The following SPAG9 variants were observed in gnomAD, a reference collection of about 807,000 sequenced individuals.
SPAG9 encodes the protein sperm associated antigen 9.
SPAG9 carries 35 observed loss-of-function variants against 166.5 expected under a neutral mutation model. That is an observed-to-expected ratio of 0.21 (90% CI 0.16 to 0.28). The LOEUF (loss-of-function observed/expected upper bound fraction) is 0.28, where lower values mean the gene tolerates loss of function less well. Ranked by LOEUF, SPAG9 falls within the 10% of genes least tolerant of loss-of-function variation. The pLI is 1.00. For synonymous variants in SPAG9, 534 were observed against 565.5 expected (o/e 0.94, Z 0.79); for missense variants, 1,235 against 1,603.3 (o/e 0.77, Z 3.92).
chr17:51,112,696 A>C (rs1180175487), intron 1 of SPAG9, among the ~76,000 whole-genome samples: 6 of 150,222 alleles, frequency 4.0e-5, no homozygotes, highest in African/African-American at 1.2e-4. Context: ...AAAAAAAAAA[A>C]AAACTTTGGC....
At chr17:51,089,641 TATATATATATATATATATATATAC>T (rs1222740584) in intron 1 of SPAG9, among the ~76,000 whole-genome samples, 22 of 84,706 alleles carry the variant, frequency 2.6e-4, no homozygotes, top group Admixed American at 1.2e-3. Context: ...TATATATATA[TATATATATATATATATATATATAC>T]ACATACACAC....
chr17:50,975,668 T>C (rs531450813), intron 27 of SPAG9, among the ~76,000 whole-genome samples: 4 of 150,042 alleles, frequency 2.7e-5, no homozygotes, highest in African/African-American at 7.4e-5. Context: ...AGATGATAAA[T>C]AGACTAAGCT....
At chr17:51,075,923 G>C (rs2047956850) in intron 2 of SPAG9, among the ~76,000 whole-genome samples, 1 of 151,724 alleles carries the variant, frequency 6.6e-6, no homozygotes, top group Non-Finnish European at 1.5e-5. Context: ...GTGAAGCCCT[G>C]TCTCTACTAA....
At chr17:51,049,308 T>A (rs7215739) in intron 3 of SPAG9, among the ~76,000 whole-genome samples, 82,087 of 151,356 alleles carry the variant, frequency 0.54, 22,490 homozygotes, top group Admixed American at 0.57. Context: ...TCAAGGCTGC[T>A]GTGAGCTATG....
intron 1 of SPAG9, among the ~76,000 whole-genome samples, chr17:51,107,213 A>G (rs1487818357): frequency 6.6e-6 from 1 of 152,038 alleles, no homozygotes; most frequent in Non-Finnish European, 1.5e-5. Flanking sequence ...GGGATAAGGT[A>G]GAACTAGAGA....
At chr17:50,967,022 T>TA (rs1407986003) in intron 29 of SPAG9, among the ~76,000 whole-genome samples, 4 of 152,160 alleles carry the variant, frequency 2.6e-5, no homozygotes, top group African/African-American at 9.7e-5. Context: ...GAGGTTGGGG[T>TA]AGCAGCCAAG....
At chr17:51,039,036 T>C (rs1005247843) in intron 5 of SPAG9, among the ~76,000 whole-genome samples, 1 of 152,188 alleles carries the variant, frequency 6.6e-6, no homozygotes, top group African/African-American at 2.4e-5. Context: ...AACTTTACAA[T>C]CACTGGCAAA....
At chr17:51,092,046 A>G (rs1265474158) in intron 1 of SPAG9, among the ~76,000 whole-genome samples, 4 of 152,022 alleles carry the variant, frequency 2.6e-5, no homozygotes, top group Non-Finnish European at 4.4e-5. Flanking sequence ...GATGCAGAAG[A>G]AAAAAGAAAG....
At chr17:51,102,438 T>C (rs902974681) in intron 1 of SPAG9, among the ~76,000 whole-genome samples, 1 of 149,106 alleles carries the variant, frequency 6.7e-6, no homozygotes, top group Non-Finnish European at 1.5e-5. Context: ...AAAATAGAAA[T>C]GTCTAACATA....
At chr17:51,037,244 G>C (rs1044346510) in intron 5 of SPAG9, among the ~76,000 whole-genome samples, 5 of 152,014 alleles carry the variant, frequency 3.3e-5, no homozygotes, top group South Asian at 2.1e-4. Context: ...GCAGTGACTA[G>C]AGGCGCACAC....
chr17:51,003,117 T>C (rs2045035820), intron 12 of SPAG9, among the ~76,000 whole-genome samples: 1 of 151,864 alleles, frequency 6.6e-6, no homozygotes, highest in African/African-American at 2.4e-5. Context: ...CATGCACCTG[T>C]AGTTCCAGCT....
intron 1 of SPAG9, among the ~76,000 whole-genome samples, chr17:51,112,677 A>C (rs1038734923): frequency 1.5e-5 from 2 of 134,950 alleles, no homozygotes; most frequent in African/African-American, 7.2e-5. Flanking sequence ...TCAACAAAAA[A>C]AAAAAAAAAA....
chr17:50,998,697 G>A (rs892650669), intron 14 of SPAG9, 80 bp from the exon 15 acceptor site: 6 of 1,354,118 alleles, frequency 4.4e-6, no homozygotes, highest in Admixed American at 4.2e-5. Context: ...TAATGTTGAA[G>A]AAAATTTCAG....
intron 8 of SPAG9, among the ~76,000 whole-genome samples, chr17:51,019,770 T>C (rs2045863667): frequency 6.6e-6 from 1 of 151,974 alleles, no homozygotes; most frequent in East Asian, 1.9e-4. Context: ...GAGAATTGCT[T>C]GAACCTGGGA....
At position 51,042,311 on chromosome 17, in the gene SPAG9, T is replaced by C. The variant is rs115078388; in HGVS notation, c.591-660A>G. Among the ~76,000 whole-genome samples the C allele has an allele frequency of 8.8e-3, 1,346 of 152,290 alleles. 17 individuals carry two copies. The highest frequency in any genetic ancestry group is 0.031 in the African/African-American group (1,306 of 41,562). ...GAAGGTCAAATAATTCTATAAAAGA[T>C]TACTGAATTTCCAATGCTTTGTGAG... is the stretch of plus-strand genomic sequence containing the variant. On this transcript the variant is annotated intron_variant, in intron 4 of 29. Coordinates refer to ENST00000262013, the MANE Select transcript of SPAG9 (RefSeq NM_001130528.3).
At chr17:50,982,817 C>G in intron 24 of SPAG9, 145 bp from the exon 25 acceptor site, 2 of 779,874 alleles carry the variant, frequency 2.6e-6, no homozygotes, top group South Asian at 4.5e-5. Flanking sequence ...TATTTGCAGC[C>G]TGGGTTCTTT....
At chr17:51,045,144 CG>C in intron 4 of SPAG9, among the ~76,000 whole-genome samples, 1 of 152,298 alleles carries the variant, frequency 6.6e-6, no homozygotes, top group Middle Eastern at 3.4e-3. Flanking sequence ...CCTACGGCCA[CG>C]TGCAATAGAG....
At chr17:51,055,048 A>T (rs1305480845) in intron 3 of SPAG9, among the ~76,000 whole-genome samples, 1 of 152,150 alleles carries the variant, frequency 6.6e-6, no homozygotes, top group Non-Finnish European at 1.5e-5. Context: ...TTTTTTAAAT[A>T]AATAAATAAA....
At chr17:50,981,167 G>T (rs546756858) in intron 25 of SPAG9, among the ~76,000 whole-genome samples, 12 of 91,068 alleles carry the variant, frequency 1.3e-4, no homozygotes, top group African/African-American at 3.4e-4. Flanking sequence ...CATAAGTCAC[G>T]CTGAACACAG....
Sources: allele counts gnomAD v4.1 joint callset (sites outside exome capture counted in the v4.1 genomes callset), GRCh38; gene constraint gnomAD v4.1.1; transcripts MANE v1.5; gene names NCBI Gene and HGNC (gene_info 2026-07-23, HGNC 2026-07-21).